Variants in ARHGAP42 observed in about 807,000 individuals in gnomAD.
ARHGAP42 encodes the protein rho GTPase-activating protein 42.
ARHGAP42 carries 63 observed loss-of-function variants against 125.0 expected under a neutral mutation model. That is an observed-to-expected ratio of 0.50 (90% CI 0.41 to 0.62). The LOEUF is 0.62. Ranked by LOEUF, ARHGAP42 falls within the 20% of genes least tolerant of loss-of-function variation. The pLI, the probability that ARHGAP42 is intolerant of heterozygous loss-of-function variation, is 0.00. For missense variants in ARHGAP42, 766 were observed against 1,024.2 expected, an observed-to-expected ratio of 0.75 and a Z score of 3.44; for synonymous variants, 339 against 351.0, an observed-to-expected ratio of 0.97 and a Z score of 0.38.
chr11:100,884,989 C>T lies in ARHGAP42; in HGVS notation c.384+25364C>T, dbSNP rs868774655. 1.3e-4 allele frequency among the ~76,000 whole-genome samples: 20 copies of T among 152,278 alleles called. 1 individual carries two copies. In the South Asian group the frequency reaches 3.5e-3, roughly 27 times the overall value. On this transcript the variant is annotated intron_variant, in intron 4 of 23. Coordinates refer to ENST00000298815, the MANE Select transcript of ARHGAP42 (RefSeq NM_152432.4). The stretch of plus-strand genomic sequence containing the variant: ...TGTGGCTGCAGGGGGAGACTAACCT[C>T]AGAACACCTTTTCTTCCCCAGTGAG...
chr11:100,980,679 T>C (rs772848130), intron 22 of ARHGAP42, among the ~76,000 whole-genome samples: 2 of 147,910 alleles, frequency 1.4e-5, no homozygotes, highest in African/African-American at 5.0e-5. Context: ...CAAGTGATTC[T>C]CCTGCCTCAG....
chr11:100,962,674 C>T (rs527256267), intron 16 of ARHGAP42, among the ~76,000 whole-genome samples: 2 of 151,916 alleles, frequency 1.3e-5, no homozygotes, highest in Non-Finnish European at 2.9e-5. Context: ...GTCGGGAGTT[C>T]GAGACCAGCC....
intron 4 of ARHGAP42, among the ~76,000 whole-genome samples, chr11:100,866,320 A>G (rs574139504): frequency 1.7e-3 from 266 of 152,300 alleles, no homozygotes; most frequent in African/African-American, 6.1e-3. Flanking sequence ...CAAGTAATCC[A>G]TAAGGCTTAG....
At chr11:100,943,009 T>TA (rs752862853) in intron 9 of ARHGAP42, among the ~76,000 whole-genome samples, 5 of 152,014 alleles carry the variant, frequency 3.3e-5, no homozygotes, top group Non-Finnish European at 7.4e-5. Context: ...AATGTTCCCC[T>TA]TAACATAGAC....
At chr11:100,887,850 C>A (rs1866128576) in intron 4 of ARHGAP42, among the ~76,000 whole-genome samples, 1 of 152,280 alleles carries the variant, frequency 6.6e-6, no homozygotes, top group South Asian at 2.1e-4. Context: ...AAAGGCCCAG[C>A]CATTTAAGCT....
At chr11:100,702,579 A>G (rs181263808) in intron 1 of ARHGAP42, among the ~76,000 whole-genome samples, 160 of 151,782 alleles carry the variant, frequency 1.1e-3, no homozygotes, top group African/African-American at 3.4e-3. Flanking sequence ...AAAAAAAAAA[A>G]ACTGCAAAGT....
At chr11:100,763,260 C>T (rs536472245) in intron 1 of ARHGAP42, among the ~76,000 whole-genome samples, 7 of 151,722 alleles carry the variant, frequency 4.6e-5, no homozygotes, top group East Asian at 3.9e-4. Context: ...GGATTATGGA[C>T]GTGAGCCACT....
At chr11:100,887,213 C>G (rs1471801441) in intron 4 of ARHGAP42, among the ~76,000 whole-genome samples, 1 of 152,202 alleles carries the variant, frequency 6.6e-6, no homozygotes, top group Non-Finnish European at 1.5e-5. Flanking sequence ...ACTGAGCATT[C>G]TGTCATCTCT....
In ARHGAP42 at chr11:100,992,829, A is replaced by C; in HGVS notation, c.*4028A>C. On this transcript the variant is annotated 3_prime_UTR_variant, in exon 24 of 24. Transcript: ENST00000298815. The stretch of plus-strand genomic sequence containing the variant: ...ATTCACAGTAAGCCATTGGCAGAAA[A>C]TTGATCTGCATGTCCTAGACCAATG... The C allele has an allele frequency of 1.9e-6, 2 of 1,032,072 alleles. No individual in the cohort carries two copies. The highest frequency in any genetic ancestry group is 2.8e-6 in the Non-Finnish European group (2 of 709,418). The allele number at this position is 1,032,072 out of a possible 1,614,324, so 63.9% of individuals were successfully genotyped here. A position where few individuals can be genotyped will look rare whatever the true frequency, so the allele number is the denominator to read the frequency against.
At chr11:100,956,532 T>G (rs1857809838) in intron 12 of ARHGAP42, among the ~76,000 whole-genome samples, 1 of 152,104 alleles carries the variant, frequency 6.6e-6, no homozygotes, top group Non-Finnish European at 1.5e-5. Context: ...CACATGTCAC[T>G]TCTGTTCATA....
At chr11:100,926,609 T>A (rs1867431842) in intron 6 of ARHGAP42, among the ~76,000 whole-genome samples, 1 of 152,198 alleles carries the variant, frequency 6.6e-6, no homozygotes, top group Non-Finnish European at 1.5e-5. Context: ...TGTGCAAATA[T>A]GGCACACTTT....
At chr11:100,725,080 T>A (rs1861831168) in intron 1 of ARHGAP42, among the ~76,000 whole-genome samples, 1 of 152,192 alleles carries the variant, frequency 6.6e-6, no homozygotes, top group Non-Finnish European at 1.5e-5. Flanking sequence ...GTATGTCCTT[T>A]TGAAGTAAGT....
At chr11:100,942,840 A>T (rs1244899826) in intron 9 of ARHGAP42, among the ~76,000 whole-genome samples, 1 of 152,142 alleles carries the variant, frequency 6.6e-6, no homozygotes, top group East Asian at 1.9e-4. Flanking sequence ...CTGGGAAGTT[A>T]CTAAGTGCCA....
chr11:100,846,188 G>C (rs1367674925), intron 3 of ARHGAP42, among the ~76,000 whole-genome samples: 1 of 152,082 alleles, frequency 6.6e-6, no homozygotes, highest in Non-Finnish European at 1.5e-5. Context: ...CCTGAAACTT[G>C]GCATGCTTAA....
rs11224497 is a variant in ARHGAP42, at chr11:100,874,740, A to G, written c.384+15115A>G. ...CCAGATTAGTTCTCCAGTCTACCGT[A>G]TCTTTCCTTTTTAAAATGTATTCCT... On this transcript the variant is annotated intron_variant, in intron 4 of 23. Coordinates refer to ENST00000298815, the MANE Select transcript of ARHGAP42 (RefSeq NM_152432.4). Among the ~76,000 whole-genome samples the G allele has an allele frequency of 4.2e-3, 636 of 152,236 alleles. 3 individuals carry two copies. The highest frequency in any genetic ancestry group is 8.3e-3 in the South Asian group (40 of 4,826).
intron 4 of ARHGAP42, among the ~76,000 whole-genome samples, chr11:100,902,727 T>C (rs1034566275): frequency 3.3e-5 from 5 of 152,016 alleles, no homozygotes; most frequent in South Asian, 2.1e-4. Context: ...GCAGGATGTA[T>C]GGTGCAGAGG....
intron 3 of ARHGAP42, among the ~76,000 whole-genome samples, chr11:100,830,477 C>T (rs599925): frequency 1.3e-5 from 2 of 151,754 alleles, no homozygotes; most frequent in Admixed American, 1.3e-4. Flanking sequence ...ACTGTGGAGC[C>T]GCAGCGTCAG....
At chr11:100,782,975 A>G (rs1016514227) in intron 2 of ARHGAP42, among the ~76,000 whole-genome samples, 21 of 152,236 alleles carry the variant, frequency 1.4e-4, no homozygotes, top group African/African-American at 4.3e-4. Flanking sequence ...AGGAGCTGCC[A>G]GACTGCCTAG....
chr11:100,796,184 A>C (rs978868617), intron 3 of ARHGAP42, among the ~76,000 whole-genome samples: 2 of 152,028 alleles, frequency 1.3e-5, no homozygotes, highest in Non-Finnish European at 2.9e-5. Context: ...TCAATGTTTC[A>C]AATTTTTTCA....
Sources: gnomAD v4.1 joint callset for allele counts (sites outside exome capture counted in the v4.1 genomes callset) on GRCh38, gnomAD v4.1.1 for gene constraint, MANE v1.5 for transcripts, NCBI Gene and HGNC (gene_info 2026-07-23, HGNC 2026-07-21) for gene names.